The following ERG28 variants were observed in gnomAD, a reference collection of about 807,000 sequenced individuals.
The protein encoded by ERG28 is ergosterol biosynthesis 28 homolog.
A neutral mutation model predicts 15.7 loss-of-function variants in ERG28; 9 were observed. That is an observed-to-expected ratio of 0.57 (90% confidence interval 0.35 to 1.00). The LOEUF (loss-of-function observed/expected upper bound fraction) is 1.00. Among genes scored for constraint, ERG28 ranks in the 50% least tolerant of loss-of-function variants. The pLI is 0.02. For synonymous variants in ERG28, 61 were observed against 68.4 expected (o/e 0.89, Z 0.53); for missense variants, 117 against 173.3 (o/e 0.68, Z 1.82).
In ERG28 at chr14:75,651,892, A is replaced by G. The variant is rs779267521; in HGVS notation, c.225-3T>C. ...TCCAGAGTGTGATGTGATAGAGCCT[A>G]TAAGGAAGCAGACAGAAATGGGAAC... On this transcript the variant is annotated splice_polypyrimidine_tract_variant and splice_region_variant and intron_variant, in intron 3 of 4. Coordinates refer to ENST00000256319, the MANE Select transcript of ERG28 (RefSeq NM_007176.4). 36 of 1,596,392 alleles carry G rather than the reference A, an allele frequency of 2.3e-5. No individual in the cohort carries two copies. Among genetic ancestry groups the G allele is most frequent in the Admixed American group, 5.0e-5 (3 of 59,984 alleles).
Position 75,651,117 on chromosome 14 carries a change from G to T in ERG28, c.*438C>A. 4.4e-5 allele frequency: 7 copies of T among 160,748 alleles called. No individual in the cohort carries two copies. The highest frequency in any genetic ancestry group is 1.7e-4 in the South Asian group (1 of 6,058). 10.0% of individuals were successfully genotyped at this position (160,748 alleles called of 1,614,324 possible). ...AGCAGAGAGGAGCCCAACCTGCGTG[G>T]ACAACCCCTTGAGGCAGCCCTTGGT... On this transcript the variant is annotated 3_prime_UTR_variant, in exon 5 of 5. Coordinates refer to ENST00000256319, the MANE Select transcript of ERG28 (RefSeq NM_007176.4).
chr14:75,657,887 T>C (rs1488735292), intron 1 of ERG28, among the ~76,000 whole-genome samples: 6 of 152,176 alleles, frequency 3.9e-5, no homozygotes. Context: ...CTTCCAAGTG[T>C]ATGGAACTTT....
At position 75,651,412 on chromosome 14, in the gene ERG28, A is replaced by C; in HGVS notation, c.*143T>G. ...ATACTTTTCAGTATGCATATCTTTA[A>C]ATTTTAAAAATTAAAAAAAGAGGCT... is the stretch of plus-strand genomic sequence containing the variant. On this transcript the variant is annotated 3_prime_UTR_variant, in exon 5 of 5. Transcript: ENST00000256319. 3.8e-6 allele frequency: 3 copies of C among 779,982 alleles called. No homozygotes were observed. In the South Asian group the frequency reaches 6.0e-5, roughly 16 times the overall value. The allele number at this position is 779,982 out of a possible 1,614,324, so 48.3% of individuals were successfully genotyped here. A position where few individuals can be genotyped will look rare whatever the true frequency, so the allele number is the denominator to read the frequency against.
intron 1 of ERG28, among the ~76,000 whole-genome samples, chr14:75,658,712 C>T (rs957058117): frequency 6.6e-6 from 1 of 152,122 alleles, no homozygotes; most frequent in South Asian, 2.1e-4. Flanking sequence ...GTCAGGACAA[C>T]CTTCAGGAAT....
At chr14:75,655,040 C>T (rs1209098926) in intron 2 of ERG28, 64 bp from the exon 3 acceptor site, 2 of 1,477,330 alleles carry the variant, frequency 1.4e-6, no homozygotes, top group Non-Finnish European at 1.9e-6. Context: ...CCAAACTCCT[C>T]CTATTTCACT....
chr14:75,659,125 G>A (rs1221258896), intron 1 of ERG28, among the ~76,000 whole-genome samples: 2 of 152,164 alleles, frequency 1.3e-5, no homozygotes, highest in East Asian at 3.8e-4. Context: ...TCTTACAGAT[G>A]AGGGTTGGAA....
chr14:75,659,220 G>A (rs1890637231), intron 1 of ERG28, among the ~76,000 whole-genome samples: 1 of 152,294 alleles, frequency 6.6e-6, no homozygotes, highest in Non-Finnish European at 1.5e-5. Context: ...GACTGCTGCA[G>A]TGCTACCTCA....
chr14:75,657,938 C>T (rs977355937), intron 1 of ERG28, among the ~76,000 whole-genome samples: 3 of 152,312 alleles, frequency 2.0e-5, no homozygotes, highest in African/African-American at 7.2e-5. Flanking sequence ...TCACTATTTA[C>T]ATCCCTAGGT....
At chr14:75,657,323 A>G in intron 2 of ERG28, 47 bp downstream of exon 2, 1 of 1,604,984 alleles carries the variant, frequency 6.2e-7, no homozygotes, top group East Asian at 2.2e-5. Context: ...GCATAGGGCC[A>G]GTCCTATAAG....
intron 1 of ERG28, among the ~76,000 whole-genome samples, chr14:75,658,693 T>C (rs1890629869): frequency 6.6e-6 from 1 of 152,230 alleles, no homozygotes; most frequent in Non-Finnish European, 1.5e-5. Context: ...GTTTGTTCAA[T>C]ATGCATGTGT....
intron 1 of ERG28, among the ~76,000 whole-genome samples, chr14:75,659,986 G>C (rs183982752): frequency 4.7e-4 from 71 of 151,774 alleles, no homozygotes; most frequent in Non-Finnish European, 6.5e-4. Flanking sequence ...TCGAAGATCA[G>C]AGAGACTGAG....
chr14:75,657,635 G>A, intron 1 of ERG28, 102 bp from the exon 2 acceptor site: 1 of 1,035,254 alleles, frequency 9.7e-7, no homozygotes, highest in South Asian at 1.6e-5. Context: ...AAGAAATTCA[G>A]TCACACTAAT....
chr14:75,658,135 T>C (rs1890621083), intron 1 of ERG28, among the ~76,000 whole-genome samples: 1 of 152,070 alleles, frequency 6.6e-6, no homozygotes, highest in Admixed American at 6.5e-5. Flanking sequence ...CATGACAAGA[T>C]GGGAGGTCTG....
At chr14:75,659,433 T>C (rs1318364201) in intron 1 of ERG28, among the ~76,000 whole-genome samples, 1 of 152,098 alleles carries the variant, frequency 6.6e-6, no homozygotes, top group East Asian at 1.9e-4. Context: ...TCATGGCTCA[T>C]TGCAGCCTTG....
At chr14:75,655,052 G>A (rs942840432) in intron 2 of ERG28, 76 bp from the exon 3 acceptor site, 1 of 1,425,268 alleles carries the variant, frequency 7.0e-7, no homozygotes, top group Non-Finnish European at 9.9e-7. Flanking sequence ...TATTTCACTG[G>A]TGGTTCATGG....
At position 75,653,820 on chromosome 14, in the gene ERG28, A is replaced by G. The variant is rs377022572; in HGVS notation, c.224+1066T>C. On this transcript the variant is annotated intron_variant, in intron 3 of 4. Transcript: ENST00000256319. The stretch of plus-strand genomic sequence containing the variant: ...GGATGAAGAGGCCAAGGTGCAAGGA[A>G]GGTGAATAATGGACTTGCTACTGCA... 1.4e-4 allele frequency among the ~76,000 whole-genome samples: 22 copies of G among 152,256 alleles called. No individual in the cohort carries two copies. In the East Asian group the frequency reaches 1.9e-3, roughly 13 times the overall value.
intron 2 of ERG28, among the ~76,000 whole-genome samples, chr14:75,655,724 C>T (rs1310630890): frequency 6.6e-6 from 1 of 152,162 alleles, no homozygotes; most frequent in African/African-American, 2.4e-5. Flanking sequence ...GGGTACCAGA[C>T]CAACTATATC....
In ERG28 at chr14:75,651,462, T is replaced by G; in HGVS notation, c.*93A>C. ...TAAAAGTGAATAAAAGGGCAGATGA[T>G]GGAATAGAAAAGAAATTAAAGAGGA... On this transcript the variant is annotated 3_prime_UTR_variant, in exon 5 of 5. Transcript: ENST00000256319. 8.0e-7 allele frequency: 1 copy of G among 1,253,234 alleles called. No individual in the cohort carries two copies. The highest frequency in any genetic ancestry group is 1.5e-5 in the African/African-American group (1 of 66,156). The allele number at this position is 1,253,234 out of a possible 1,614,324, so 77.6% of individuals were successfully genotyped here.
chr14:75,655,775 G>A (rs1293204512), intron 2 of ERG28, among the ~76,000 whole-genome samples: 2 of 152,146 alleles, frequency 1.3e-5, no homozygotes, highest in African/African-American at 4.8e-5. Flanking sequence ...GTATTTTCTA[G>A]AAACTCCCTG....
Sources: allele counts gnomAD v4.1 joint callset (sites outside exome capture counted in the v4.1 genomes callset), GRCh38; gene constraint gnomAD v4.1.1; transcripts MANE v1.5; gene names NCBI Gene and HGNC (gene_info 2026-07-23, HGNC 2026-07-21).